PARP16: variants seen among roughly 807,000 people sequenced by gnomAD.
The protein encoded by PARP16 is poly(ADP-ribose) polymerase family member 16, also known as protein mono-ADP-ribosyltransferase PARP16.
A neutral mutation model predicts 35.0 loss-of-function variants in PARP16; 31 were observed. The observed-to-expected ratio is 0.88, with a 90% CI of 0.66 to 1.19. PARP16 has a LOEUF of 1.19. PARP16 is among the 50% of genes most tolerant of loss of function. The pLI is 0.00. For missense variants in PARP16, 424 were observed against 411.2 expected, an observed-to-expected ratio of 1.03 and a Z score of -0.27; for synonymous variants, 162 against 169.5, an observed-to-expected ratio of 0.96 and a Z score of 0.34.
chr15:65,256,928 A>T, downstream of PARP16, among the ~76,000 whole-genome samples: 1 of 152,224 alleles, frequency 6.6e-6, no homozygotes, highest in East Asian at 1.9e-4. Context: ...ATTGACGCTG[A>T]AATCAGTCTG....
At chr15:65,259,639 G>T in intron 5 of PARP16, 97 bp from the exon 6 acceptor site, 1 of 1,170,870 alleles carries the variant, frequency 8.5e-7, no homozygotes, top group Non-Finnish European at 1.2e-6. Context: ...ACAAAATGAT[G>T]AATTTCATCC....
intron 2 of PARP16, 31 bp from the exon 3 acceptor site, chr15:65,266,799 T>C: frequency 6.6e-7 from 1 of 1,523,808 alleles, no homozygotes; most frequent in Non-Finnish European, 9.0e-7. Context: ...CAAAATTTTA[T>C]TTGGGGAGCT....
At chr15:65,284,889 C>G (rs956420150) in intron 1 of PARP16, among the ~76,000 whole-genome samples, 4 of 137,752 alleles carry the variant, frequency 2.9e-5, no homozygotes, top group Admixed American at 8.1e-5. Context: ...GTGATTACAG[C>G]TCATTGCAGC....
At chr15:65,285,523 CAAG>C in intron 1 of PARP16, 1 of 394,514 alleles carries the variant, frequency 2.5e-6, no homozygotes, top group Non-Finnish European at 5.0e-6. Context: ...TGCTGGTAAA[CAAG>C]AATATGCTCT....
At chr15:65,261,855 A>G (rs769763157) in intron 4 of PARP16, among the ~76,000 whole-genome samples, 15 of 152,218 alleles carry the variant, frequency 9.9e-5, no homozygotes, top group Non-Finnish European at 2.2e-4. Flanking sequence ...CAAACAAACA[A>G]AAAACCCTTT....
chr15:65,270,239 C>A (rs1488014360), intron 2 of PARP16, among the ~76,000 whole-genome samples: 2 of 152,204 alleles, frequency 1.3e-5, no homozygotes, highest in Non-Finnish European at 2.9e-5. Context: ...CCCTGGGAGA[C>A]CCCAGCCAGG....
chr15:65,237,240 C>T (rs1276622280), intron 3 of PARP16, among the ~76,000 whole-genome samples: 1 of 152,020 alleles, frequency 6.6e-6, no homozygotes, highest in African/African-American at 2.4e-5. Context: ...AGGCTGAGCA[C>T]CCTACACTTA....
At chr15:65,264,523 T>G (rs2089832134) in intron 3 of PARP16, among the ~76,000 whole-genome samples, 1 of 152,206 alleles carries the variant, frequency 6.6e-6, no homozygotes, top group Non-Finnish European at 1.5e-5. Flanking sequence ...TAAGTGAAGC[T>G]TAGGGGAAAT....
In PARP16 at chr15:65,286,484, G is replaced by T; in HGVS notation, c.-58C>A. 1 of 1,303,266 alleles carries T rather than the reference G, an allele frequency of 7.7e-7. No homozygotes were observed. The highest frequency in any genetic ancestry group is 1.0e-6 in the Non-Finnish European group (1 of 1,000,132). The allele number at this position is 1,303,266 out of a possible 1,614,324, so 80.7% of individuals were successfully genotyped here. On this transcript the variant is annotated 5_prime_UTR_variant, in exon 1 of 6. Transcript: ENST00000649807. ...GCTGGTTAGGGGCAAGGGCGAGCGT[G>T]CGTTCAGCGCGGGGGCTGGGCCCGC...
chr15:65,257,873 C>T (rs1427547131), downstream of PARP16, among the ~76,000 whole-genome samples: 1 of 152,174 alleles, frequency 6.6e-6, no homozygotes, highest in Non-Finnish European at 1.5e-5. Context: ...GGCTTTCTGA[C>T]TTTGATCCTG....
At chr15:65,281,691 C>CA (rs139769806) in intron 1 of PARP16, among the ~76,000 whole-genome samples, 37,691 of 115,482 alleles carry the variant, frequency 0.33, 5,911 homozygotes, top group East Asian at 0.53. Context: ...AACTCCATCT[C>CA]AAAAAAAAAA....
At chr15:65,251,662 T>C (rs963779437) in intron 2 of PARP16, among the ~76,000 whole-genome samples, 6 of 152,140 alleles carry the variant, frequency 3.9e-5, no homozygotes, top group African/African-American at 1.4e-4. Context: ...TCAAAAGATA[T>C]GAGATACTAT....
At chr15:65,244,280 T>A (rs1449888450) in intron 3 of PARP16, among the ~76,000 whole-genome samples, 1 of 152,168 alleles carries the variant, frequency 6.6e-6, no homozygotes. Flanking sequence ...CCATCATTGT[T>A]TACTTACTAT....
rs958810685 is a variant in PARP16, at chr15:65,262,134, C to CTTT, written c.691+1012_691+1014dup. Among the ~76,000 whole-genome samples the CTTT allele has an allele frequency of 2.3e-3, 304 of 132,232 alleles. 1 individual carries two copies. Among genetic ancestry groups the CTTT allele is most frequent in the African/African-American group, 8.1e-3 (291 of 36,142 alleles). The allele number at this position is 132,232 out of a possible 152,430, so 86.7% of individuals were successfully genotyped here. On this transcript the variant is annotated intron_variant, in intron 4 of 5. Coordinates refer to ENST00000649807, the MANE Select transcript of PARP16 (RefSeq NM_001316943.2). ...CCAACAAGCCAGATCTTTTTTCTTTCTTTTTTTTTTTTTTTTTGGATGGAG... is the reference window on the plus strand; with the variant it reads ...CCAACAAGCCAGATCTTTTTTCTTTCTTTTTTTTTTTTTTTTTTTTGGATGGAG...
intron 3 of PARP16, among the ~76,000 whole-genome samples, chr15:65,240,713 TCA>T (rs2089049566): frequency 6.6e-6 from 1 of 152,194 alleles, no homozygotes; most frequent in Admixed American, 6.5e-5. Context: ...CTGTAACCAT[TCA>T]TGTATAGGTC....
intron 1 of PARP16, among the ~76,000 whole-genome samples, chr15:65,276,084 C>T (rs1201040507): frequency 6.6e-6 from 1 of 152,174 alleles, no homozygotes; most frequent in Non-Finnish European, 1.5e-5. Context: ...ACTGCATCTG[C>T]CCAGACAGGG....
At chr15:65,253,943 G>T (rs535953078), downstream of PARP16, among the ~76,000 whole-genome samples, 26 of 151,864 alleles carry the variant, frequency 1.7e-4, no homozygotes, top group African/African-American at 6.3e-4. Context: ...TCAGCCTCCT[G>T]AGTAGCTGGG....
chr15:65,241,859 G>A (rs551115583), intron 3 of PARP16, among the ~76,000 whole-genome samples: 4 of 151,968 alleles, frequency 2.6e-5, no homozygotes, highest in East Asian at 1.9e-4. Context: ...TTGTCTTTTC[G>A]TTTTTCTAGT....
intron 3 of PARP16, among the ~76,000 whole-genome samples, chr15:65,265,306 C>T (rs947480387): frequency 1.3e-5 from 2 of 152,188 alleles, no homozygotes; most frequent in African/African-American, 4.8e-5. Flanking sequence ...ACAAAGAGCC[C>T]TTTGCATACA....
Sources: allele counts gnomAD v4.1 joint callset (sites outside exome capture counted in the v4.1 genomes callset), GRCh38; gene constraint gnomAD v4.1.1; transcripts MANE v1.5; gene names NCBI Gene and HGNC (gene_info 2026-07-23, HGNC 2026-07-21).